The following CDC23 variants were observed in gnomAD, a reference collection of about 807,000 sequenced individuals.
CDC23 encodes the protein cell division cycle 23, also known as cell division cycle protein 23 homolog.
A neutral mutation model predicts 81.7 loss-of-function variants in CDC23; 26 were observed. That is an observed-to-expected ratio of 0.32 (90% CI 0.23 to 0.44). The LOEUF (loss-of-function observed/expected upper bound fraction) is 0.44, where lower values mean the gene tolerates loss of function less well. CDC23 is among the 20% of genes least tolerant of loss of function. CDC23 has a pLI of 1.00. For missense variants in CDC23, 519 were observed against 728.0 expected (o/e 0.71, Z 3.30); for synonymous variants, 267 against 270.8 (o/e 0.99, Z 0.14).
chr5:138,196,444 C>A (rs1025656404), intron 9 of CDC23, among the ~76,000 whole-genome samples: 18 of 151,762 alleles, frequency 1.2e-4, no homozygotes, highest in Non-Finnish European at 2.4e-4. Context: ...GTGCCTGCCA[C>A]CACGCCTAGC....
intron 2 of CDC23, among the ~76,000 whole-genome samples, chr5:138,209,537 T>C (rs977565603): frequency 3.3e-4 from 49 of 149,936 alleles, no homozygotes; most frequent in Non-Finnish European, 8.9e-5. Context: ...ACACTGAGAG[T>C]AAGCAAGCCG....
chr5:138,202,264 C>T (rs959361944), intron 3 of CDC23, 109 bp from the exon 4 acceptor site: 8 of 709,802 alleles, frequency 1.1e-5, no homozygotes, highest in East Asian at 2.8e-5. Context: ...AAAATGGCAT[C>T]GACTTTTGGT....
Position 138,207,508 on chromosome 5 carries a change from G to C in CDC23, c.235-824C>G, listed in dbSNP as rs752808823. ...ATACTGGCATTCTATTCCTTCTCCT[G>C]TCTTTTACAGTCCTACATAAATGCA... is the stretch of plus-strand genomic sequence containing the variant. On this transcript the variant is annotated intron_variant, in intron 2 of 15. Coordinates refer to ENST00000394886, the MANE Select transcript of CDC23 (RefSeq NM_004661.4). 3.9e-5 allele frequency among the ~76,000 whole-genome samples: 6 copies of C among 152,106 alleles called. No homozygotes were observed. The Middle Eastern group carries it at 0.01, about 259-fold the overall frequency.
chr5:138,192,808 A>AT, intron 9 of CDC23, 151 bp from the exon 10 acceptor site: 2 of 638,928 alleles, frequency 3.1e-6, no homozygotes, highest in Non-Finnish European at 5.3e-6. Flanking sequence ...AAAGGGAAAT[A>AT]TTCCCTTGGG....
intron 9 of CDC23, among the ~76,000 whole-genome samples, chr5:138,194,008 C>G (rs1358078543): frequency 6.6e-6 from 1 of 150,566 alleles, no homozygotes; most frequent in Admixed American, 6.6e-5. Flanking sequence ...ACACAAGAAT[C>G]AAAGCAGTTC....
Position 138,198,288 on chromosome 5 carries a change from A to G in CDC23, c.931-8T>C. ...CAACTCCGATTTCATGCTCTGGGAT[A>G]AAAGAAAAAGACAATATAAGCATGA... On this transcript the variant is annotated splice_polypyrimidine_tract_variant and splice_region_variant and intron_variant, in intron 8 of 15. Coordinates refer to ENST00000394886, the MANE Select transcript of CDC23 (RefSeq NM_004661.4). 1 of 1,610,242 alleles carries G rather than the reference A, an allele frequency of 6.2e-7. No individual in the cohort carries two copies. The highest frequency in any genetic ancestry group is 8.5e-7 in the Non-Finnish European group (1 of 1,176,756).
intron 2 of CDC23, among the ~76,000 whole-genome samples, chr5:138,210,622 G>T (rs1755103090): frequency 6.6e-6 from 1 of 152,186 alleles, no homozygotes; most frequent in South Asian, 2.1e-4. Context: ...GGGTTTTTCA[G>T]AGATAGTCCC....
chr5:138,191,971 C>CTT (rs762823273), intron 11 of CDC23, 34 bp from the exon 12 acceptor site: 4 of 1,581,504 alleles, frequency 2.5e-6, no homozygotes, highest in African/African-American at 2.7e-5. Flanking sequence ...TGAGCAAAGA[C>CTT]TTTACAGAAA....
intron 3 of CDC23, among the ~76,000 whole-genome samples, chr5:138,205,256 A>G (rs908667047): frequency 6.6e-6 from 1 of 152,222 alleles, no homozygotes; most frequent in African/African-American, 2.4e-5. Context: ...TGTATGTGAA[A>G]GATTAACTTT....
chr5:138,204,423 T>G (rs1755023834), intron 3 of CDC23, among the ~76,000 whole-genome samples: 1 of 150,382 alleles, frequency 6.6e-6, no homozygotes, highest in South Asian at 2.1e-4. Context: ...GAGAAAGGCT[T>G]GAACCCGGGA....
chr5:138,191,792 C>T, intron 12 of CDC23, 70 bp downstream of exon 12: 1 of 1,247,254 alleles, frequency 8.0e-7, no homozygotes, highest in Admixed American at 1.7e-5. Flanking sequence ...AAAATTAGAG[C>T]ACAGATAGCC....
At chr5:138,199,246 G>C (rs1754958487) in intron 6 of CDC23, among the ~76,000 whole-genome samples, 1 of 152,142 alleles carries the variant, frequency 6.6e-6, no homozygotes, top group African/African-American at 2.4e-5. Flanking sequence ...ATACAATAGG[G>C]AACCACTGCA....
At chr5:138,192,724 T>C (rs1171950913) in intron 9 of CDC23, 67 bp from the exon 10 acceptor site, 1 of 1,442,268 alleles carries the variant, frequency 6.9e-7, no homozygotes, top group South Asian at 1.3e-5. Context: ...TTAAAATAGA[T>C]AGCATTCCAC....
intron 12 of CDC23, 90 bp downstream of exon 12, chr5:138,191,772 G>A: frequency 8.8e-7 from 1 of 1,136,856 alleles, no homozygotes. Context: ...ACCTAGATCA[G>A]AATAAGGGAA....
intron 2 of CDC23, among the ~76,000 whole-genome samples, chr5:138,212,049 T>C (rs1755118782): frequency 1.3e-5 from 2 of 152,344 alleles, no homozygotes; most frequent in South Asian, 4.1e-4. Flanking sequence ...TTTGCCCACA[T>C]TGGTGCTGCT....
intron 2 of CDC23, among the ~76,000 whole-genome samples, chr5:138,210,609 C>G (rs1755103059): frequency 6.6e-6 from 1 of 152,206 alleles, no homozygotes; most frequent in South Asian, 2.1e-4. Context: ...AAACATTACT[C>G]TGGGGTTTTT....
intron 9 of CDC23, among the ~76,000 whole-genome samples, chr5:138,195,756 T>TACATATAATATATATGTATATATAC (rs1754894080): frequency 6.8e-5 from 8 of 117,008 alleles, no homozygotes; most frequent in South Asian, 2.3e-4. Flanking sequence ...TGTATATATA[T>TACATATAATATATATGTATATATAC]ACATATATTA....
intron 9 of CDC23, among the ~76,000 whole-genome samples, chr5:138,193,334 GC>G (rs1283192742): frequency 1.3e-5 from 2 of 152,152 alleles, no homozygotes; most frequent in African/African-American, 4.8e-5. Context: ...GGTGACTCAC[GC>G]CTGTAATCCC....
chr5:138,198,899 C>A (rs1754949902), intron 6 of CDC23, 117 bp from the exon 7 acceptor site: 1 of 1,009,846 alleles, frequency 9.9e-7, no homozygotes, highest in African/African-American at 1.6e-5. Context: ...TATTAGAACA[C>A]CTAGTAATGA....
Sources: gnomAD v4.1 joint callset for allele counts (sites outside exome capture counted in the v4.1 genomes callset) on GRCh38, gnomAD v4.1.1 for gene constraint, MANE v1.5 for transcripts, NCBI Gene and HGNC (gene_info 2026-07-23, HGNC 2026-07-21) for gene names.